CCDC77: variants seen among roughly 807,000 people sequenced by gnomAD.
The protein encoded by CCDC77 is coiled-coil domain-containing protein 77.
In CCDC77, 56 loss-of-function variants were observed where a neutral mutation model predicts 66.8. The ratio of observed to expected loss-of-function variants is 0.84; its 90% CI spans 0.68 to 1.05. The LOEUF is 1.05. Among genes scored for constraint, CCDC77 ranks in the 50% least tolerant of loss-of-function variants. The pLI is 0.00. For synonymous variants in CCDC77, 196 were observed against 195.2 expected, an observed-to-expected ratio of 1.00 and a Z score of -0.03; for missense variants, 570 against 576.8, an observed-to-expected ratio of 0.99 and a Z score of 0.12.
At chr12:430,145 C>A (rs938365246) in intron 6 of CCDC77, among the ~76,000 whole-genome samples, 2 of 152,088 alleles carry the variant, frequency 1.3e-5, no homozygotes, top group Non-Finnish European at 2.9e-5. Context: ...AGGCATGTGC[C>A]ACCACGCCTG....
chr12:402,918 A>G (rs1274937112), intron 1 of CCDC77, among the ~76,000 whole-genome samples: 6 of 152,348 alleles, frequency 3.9e-5, no homozygotes, highest in Non-Finnish European at 7.3e-5. Flanking sequence ...TAAAATAGGA[A>G]AGTCAGAAGG....
At chr12:402,656 T>C (rs1352190271) in intron 1 of CCDC77, among the ~76,000 whole-genome samples, 1 of 152,178 alleles carries the variant, frequency 6.6e-6, no homozygotes, top group Non-Finnish European at 1.5e-5. Context: ...ATTTAATGCT[T>C]TAGGCTATGA....
intron 3 of CCDC77, among the ~76,000 whole-genome samples, chr12:410,072 A>C (rs1945078017): frequency 6.6e-6 from 1 of 152,004 alleles, no homozygotes; most frequent in Non-Finnish European, 1.5e-5. Flanking sequence ...AAAATGTTTA[A>C]GTTTTTCTTC....
intron 9 of CCDC77, among the ~76,000 whole-genome samples, chr12:436,382 C>T (rs761835301): frequency 6.6e-6 from 1 of 151,936 alleles, no homozygotes; most frequent in Non-Finnish European, 1.5e-5. Flanking sequence ...CCTCGGCCTC[C>T]CAAAGTGCTG....
At position 440,735 on chromosome 12, in the gene CCDC77, T is replaced by G. The variant is rs143975139; in HGVS notation, c.1160T>G (p.Ile387Ser). 3.1e-6 allele frequency: 5 copies of G among 1,613,926 alleles called. No homozygotes were observed. Among genetic ancestry groups the G allele is most frequent in the African/African-American group, 1.3e-5 (1 of 74,936 alleles). The change falls in exon 11 of 13, where the codon ATC becomes AGC. Residue 387 changes from isoleucine to serine, a missense_variant. By Grantham distance (142) the Ile-to-Ser change is moderately radical. Transcript: ENST00000239830. ...GAGGAAGAGGGAATGAGGAGAGAGA[T>G]CTTCAAGGTACGAAATTATCTGCCA... ...IREEEGMRRE[I>S]FKDRTNKMGK... is the part of the protein sequence containing the mutation.
intron 2 of CCDC77, 93 bp from the exon 3 acceptor site, chr12:409,275 A>G (rs891512306): frequency 1.2e-6 from 1 of 832,660 alleles, no homozygotes; most frequent in Non-Finnish European, 2.0e-6. Flanking sequence ...AGAAGCAAAT[A>G]TGATGATGTT....
intron 9 of CCDC77, among the ~76,000 whole-genome samples, chr12:435,202 CTG>C (rs1351992506): frequency 1.3e-5 from 2 of 150,258 alleles, no homozygotes; most frequent in Non-Finnish European, 3.0e-5. Context: ...CTACTTCTTT[CTG>C]TGTTTCATCT....
At chr12:409,531 T>A in intron 3 of CCDC77, 110 bp downstream of exon 3, 2 of 1,044,290 alleles carry the variant, frequency 1.9e-6, no homozygotes, top group Non-Finnish European at 2.9e-6. Flanking sequence ...AAGTTTTTTT[T>A]CTTTGAGACA....
At chr12:433,829 T>C (rs1945697375) in intron 9 of CCDC77, among the ~76,000 whole-genome samples, 1 of 152,196 alleles carries the variant, frequency 6.6e-6, no homozygotes, top group Non-Finnish European at 1.5e-5. Context: ...TCTAGAGACA[T>C]GTTATCATTT....
intron 5 of CCDC77, among the ~76,000 whole-genome samples, chr12:424,744 C>T (rs1945496379): frequency 6.6e-6 from 1 of 151,910 alleles, no homozygotes. Context: ...AACTTTTCTC[C>T]TATGTTTTCT....
At position 435,848 on chromosome 12, in the gene CCDC77, C is replaced by T. The variant is rs533638387; in HGVS notation, c.822-2487C>T. Among the ~76,000 whole-genome samples the T allele has an allele frequency of 7.2e-5, 11 of 152,292 alleles. No homozygotes were observed. The East Asian group carries it at 2.1e-3, about 29-fold the overall frequency. Reference sequence around the variant, plus strand: ...TGAACTCCTGGGCGCAAGCAATCCTCCTGCCTCAGCCTTCCAAGTCGCTAG... The same window carrying T: ...TGAACTCCTGGGCGCAAGCAATCCTTCTGCCTCAGCCTTCCAAGTCGCTAG... On this transcript the variant is annotated intron_variant, in intron 9 of 12. Coordinates refer to ENST00000239830, the MANE Select transcript of CCDC77 (RefSeq NM_032358.4).
chr12:439,431 AATC>A (rs1272368794), intron 10 of CCDC77, among the ~76,000 whole-genome samples: 4 of 151,666 alleles, frequency 2.6e-5, no homozygotes, highest in Non-Finnish European at 5.9e-5. Context: ...GAGGCAGGAG[AATC>A]ACCTGAACCC....
intron 3 of CCDC77, 110 bp downstream of exon 3, chr12:409,531 T>C (rs1372161889): frequency 1.9e-6 from 2 of 1,044,172 alleles, no homozygotes; most frequent in Non-Finnish European, 2.9e-6. Flanking sequence ...AAGTTTTTTT[T>C]CTTTGAGACA....
intron 4 of CCDC77, among the ~76,000 whole-genome samples, chr12:416,096 G>A (rs1565568726): frequency 1.3e-5 from 2 of 151,498 alleles, no homozygotes; most frequent in Admixed American, 6.6e-5. Flanking sequence ...GTGAGCCACT[G>A]CACCCTGCCC....
chr12:412,064 G>A (rs909351414), intron 4 of CCDC77, 86 bp downstream of exon 4: 3 of 975,660 alleles, frequency 3.1e-6, no homozygotes, highest in Non-Finnish European at 4.6e-6. Context: ...TATATCAGAA[G>A]CAGATGTTTT....
At position 441,975 on chromosome 12, in the gene CCDC77, A is replaced by G; in HGVS notation, c.*55A>G. 1 of 1,585,100 alleles carries G rather than the reference A, an allele frequency of 6.3e-7. No individual in the cohort carries two copies. The highest frequency in any genetic ancestry group is 1.3e-5 in the African/African-American group (1 of 74,422). On this transcript the variant is annotated 3_prime_UTR_variant, in exon 13 of 13. Coordinates refer to ENST00000239830, the MANE Select transcript of CCDC77 (RefSeq NM_032358.4). ...GAAGAGGTGTGCTTCTTGAAACCTG[A>G]GGACAAGGTCATCTGCTGCCAGAAA...
upstream of CCDC77, among the ~76,000 whole-genome samples, chr12:396,798 G>A (rs1944834051): frequency 6.6e-6 from 1 of 152,232 alleles, no homozygotes; most frequent in Non-Finnish European, 1.5e-5. Context: ...TTCTAATAGA[G>A]ACAAATGGGG....
chr12:441,797 C>T lies in CCDC77; in HGVS notation c.1344C>T (p.Asn448=), dbSNP rs867440506. ...AGGCAACAGTTAATGCCCGGGCAAA[C>T]CAGGATCTTGCCCTTCTGTGTGAGG... ...LYKATVNARA[N]QDLALLCEVR... The change falls in exon 13 of 13, where the codon AAC becomes AAT. Residue 448 remains asparagine, a synonymous_variant. Coordinates refer to ENST00000239830, the MANE Select transcript of CCDC77 (RefSeq NM_032358.4). 1 of 1,610,540 alleles carries T rather than the reference C, an allele frequency of 6.2e-7. No homozygotes were observed. Among genetic ancestry groups the T allele is most frequent in the African/African-American group, 1.4e-5 (1 of 73,940 alleles).
chr12:428,825 C>T lies in CCDC77; in HGVS notation c.470C>T (p.Ala157Val), dbSNP rs1945586623. ...QNLLALVGTDAGEVTYFCKEP... is the reference protein window; with the variant it reads ...QNLLALVGTDVGEVTYFCKEP... ...CTCTTGGCTCTTGTGGGAACAGATG[C>T]TGGAGAAGTGACCTATTTTTGTAAG... Residue 157 changes from alanine (A) to valine (V), a missense_variant, in exon 6 of 13, where the codon GCT (alanine) becomes GTT (valine). Ala to Val is a moderately conservative substitution (Grantham distance 64). Transcript: ENST00000239830. 6.2e-7 allele frequency: 1 copy of T among 1,612,944 alleles called. No homozygotes were observed. Among genetic ancestry groups the T allele is most frequent in the Non-Finnish European group, 8.5e-7 (1 of 1,179,352 alleles).
Sources: gnomAD v4.1 joint callset for allele counts (sites outside exome capture counted in the v4.1 genomes callset) on GRCh38, gnomAD v4.1.1 for gene constraint, MANE v1.5 for transcripts, NCBI Gene and HGNC (gene_info 2026-07-23, HGNC 2026-07-21) for gene names.